ZFPM1: variants seen among roughly 807,000 people sequenced by gnomAD.
The protein encoded by ZFPM1 is zinc finger protein, FOG family member 1, also known as zinc finger protein ZFPM1.
In ZFPM1, 28 loss-of-function variants were observed where a neutral mutation model predicts 46.3. That is an observed-to-expected ratio of 0.60 (90% confidence interval 0.45 to 0.83). The LOEUF is 0.83. ZFPM1 is among the 40% of genes least tolerant of loss of function. The pLI is 0.00. For synonymous variants in ZFPM1, 957 were observed against 675.9 expected (o/e 1.42, Z -6.45); for missense variants, 1,878 against 1,432.4 (o/e 1.31, Z -5.02).
In ZFPM1 at chr16:88,480,443, C is replaced by G. The variant is rs947241186; in HGVS notation, c.41-5496C>G. Among the ~76,000 whole-genome samples, 1 of 152,146 alleles carries G rather than the reference C, an allele frequency of 6.6e-6. No homozygotes were observed. The highest frequency in any genetic ancestry group is 1.5e-5 in the Non-Finnish European group (1 of 68,026). On this transcript the variant is annotated intron_variant, in intron 1 of 9. Transcript: ENST00000319555. This position sits in a 1 kb window ranked among gnomAD's most constrained non-coding sequence, Gnocchi z 4.9. The stretch of plus-strand genomic sequence containing the variant: ...CGGATGAAAGAGTGAAGGAAAGAGC[C>G]GTGGTGCTGGTGGGGGAGGAGCGGG...
intron 3 of ZFPM1, among the ~76,000 whole-genome samples, chr16:88,502,063 CCCATTT>C (rs1407514340): frequency 8.6e-5 from 11 of 127,990 alleles, no homozygotes; most frequent in Admixed American, 2.6e-4. Context: ...CCCGCCCCCC[CCCATTT>C]ATTTATTTAT....
intron 4 of ZFPM1, chr16:88,516,642 C>T (rs1407131742): frequency 1.3e-5 from 5 of 398,520 alleles, no homozygotes; most frequent in East Asian, 7.1e-5. Flanking sequence ...CACGCCTTTC[C>T]GATACTTCAT....
chr16:88,524,724 A>C (rs1345153368), intron 4 of ZFPM1, among the ~76,000 whole-genome samples: 1 of 152,168 alleles, frequency 6.6e-6, no homozygotes, highest in East Asian at 1.9e-4. Context: ...GTCAAAGGAG[A>C]TAGGACTGAC....
chr16:88,455,428 C>G (rs575866319), intron 1 of ZFPM1, among the ~76,000 whole-genome samples: 1 of 152,110 alleles, frequency 6.6e-6, no homozygotes, highest in South Asian at 2.1e-4. Context: ...CGCGGACCCT[C>G]CCTGTCGCTC....
At chr16:88,493,601 G>A (rs1205855317) in intron 3 of ZFPM1, among the ~76,000 whole-genome samples, 5 of 147,044 alleles carry the variant, frequency 3.4e-5, no homozygotes, top group Admixed American at 2.0e-4. Flanking sequence ...CCCGGGGTAG[G>A]GAGAGCTGTC....
rs371844825 is a variant in ZFPM1 at position 88,519,048 on chromosome 16, AGATGGATG to A, written c.402+4562_402+4569del. On this transcript the variant is annotated intron_variant, in intron 4 of 9. Transcript: ENST00000319555. ...TGGGTGGATGGATGGGTGGATGGAT[AGATGGATG>A]GATGGATGGATGGATGGATGGATGG... Among the ~76,000 whole-genome samples, 419 of 107,968 alleles carry A rather than the reference AGATGGATG, an allele frequency of 3.9e-3. 4 individuals are homozygous for A. The highest frequency in any genetic ancestry group is 0.021 in the East Asian group (64 of 3,042). 70.8% of individuals were successfully genotyped at this position (107,968 alleles called of 152,430 possible).
intron 3 of ZFPM1, among the ~76,000 whole-genome samples, chr16:88,506,961 C>T (rs1170766006): frequency 6.6e-6 from 1 of 152,254 alleles, no homozygotes; most frequent in Non-Finnish European, 1.5e-5. Flanking sequence ...TCGGCTGTCC[C>T]GAGTGCCACA....
At chr16:88,491,249 C>G (rs1040948489) in intron 3 of ZFPM1, among the ~76,000 whole-genome samples, 1 of 152,128 alleles carries the variant, frequency 6.6e-6, no homozygotes, top group Non-Finnish European at 1.5e-5. Flanking sequence ...AATAGGGTAG[C>G]GGGTAGCAGG....
chr16:88,496,732 G>A (rs1036939704), intron 3 of ZFPM1, among the ~76,000 whole-genome samples: 7 of 152,182 alleles, frequency 4.6e-5, no homozygotes, highest in Admixed American at 4.6e-4. Context: ...GAGCACACCA[G>A]CACTGGTCAT....
intron 2 of ZFPM1, among the ~76,000 whole-genome samples, chr16:88,486,263 A>G (rs1909219016): frequency 6.6e-6 from 1 of 152,236 alleles, no homozygotes. Context: ...CTGCATGTGC[A>G]GCCTGAAATC....
At chr16:88,520,660 G>T (rs1292468536) in intron 4 of ZFPM1, among the ~76,000 whole-genome samples, 1 of 141,594 alleles carries the variant, frequency 7.1e-6, no homozygotes, top group African/African-American at 2.7e-5. Context: ...TGGATGGATG[G>T]GAGGGTGGGT....
At chr16:88,475,997 G>A (rs952953523) in intron 1 of ZFPM1, among the ~76,000 whole-genome samples, 1 of 152,160 alleles carries the variant, frequency 6.6e-6, no homozygotes, top group Non-Finnish European at 1.5e-5. Flanking sequence ...GGCTGAGGGG[G>A]TGTGGGTGCA....
chr16:88,453,685 CA>C lies in ZFPM1; in HGVS notation c.40+10del. ...AACCCCCGGCAGATCAAGCGTGAGT[CA>C]AACTTTGCCCGCGGTCCCCTCCGCG... On this transcript the variant is annotated splice_region_variant and intron_variant, in intron 1 of 9. Transcript: ENST00000319555. 1 of 1,196,678 alleles carries C rather than the reference CA, an allele frequency of 8.4e-7. No homozygotes were observed. Among genetic ancestry groups the C allele is most frequent in the Non-Finnish European group, 1.1e-6 (1 of 947,606 alleles). The allele number at this position is 1,196,678 out of a possible 1,614,324, so 74.1% of individuals were successfully genotyped here. A position where few individuals can be genotyped will look rare whatever the true frequency, so the allele number is the denominator to read the frequency against.
chr16:88,536,895 A>T lies in ZFPM1; in HGVS notation c.*1916A>T, dbSNP rs1275605161. 2 of 152,268 alleles carry T rather than the reference A, an allele frequency of 1.3e-5. No homozygotes were observed. Among genetic ancestry groups the T allele is most frequent in the African/African-American group, 4.8e-5 (2 of 41,448 alleles). The allele number at this position is 152,268 out of a possible 1,614,324, so 9.4% of individuals were successfully genotyped here. A position where few individuals can be genotyped will look rare whatever the true frequency, so the allele number is the denominator to read the frequency against. On this transcript the variant is annotated 3_prime_UTR_variant, in exon 10 of 10. Coordinates refer to ENST00000319555, the MANE Select transcript of ZFPM1 (RefSeq NM_153813.3). Reference sequence around the variant, plus strand: ...GTGCATGAATTTGCGTGGAGGGTTCAGGAGGCTCTGCCCCCAAGTCCTCCC... The same window carrying T: ...GTGCATGAATTTGCGTGGAGGGTTCTGGAGGCTCTGCCCCCAAGTCCTCCC...
intron 4 of ZFPM1, among the ~76,000 whole-genome samples, chr16:88,522,713 G>A (rs563292999): frequency 7.4e-4 from 113 of 152,292 alleles, no homozygotes; most frequent in African/African-American, 2.6e-3. Flanking sequence ...TGGTGGGGCC[G>A]GCCAGGGCCC....
intron 1 of ZFPM1, among the ~76,000 whole-genome samples, chr16:88,462,778 G>A: frequency 6.6e-6 from 1 of 152,184 alleles, no homozygotes; most frequent in Non-Finnish European, 1.5e-5. Flanking sequence ...ACCAGGCTGG[G>A]CTCCAGGGTT....
intron 4 of ZFPM1, among the ~76,000 whole-genome samples, chr16:88,519,188 G>C (rs1056124926): frequency 2.8e-5 from 4 of 140,370 alleles, no homozygotes; most frequent in Non-Finnish European, 4.7e-5. Flanking sequence ...TGGGTGGGTG[G>C]ATGGGAGGGT....
chr16:88,509,913 T>C (rs369716681), intron 3 of ZFPM1, among the ~76,000 whole-genome samples: 22 of 152,136 alleles, frequency 1.4e-4, no homozygotes, highest in African/African-American at 4.3e-4. Context: ...CGCTGGGCAC[T>C]GTTGGCCACG....
intron 1 of ZFPM1, among the ~76,000 whole-genome samples, chr16:88,482,667 G>A (rs1002400882): frequency 3.3e-5 from 5 of 152,246 alleles, no homozygotes; most frequent in East Asian, 1.9e-4. Context: ...TCTGGTCCCC[G>A]AAGTCCCTGA....
Sources: gnomAD v4.1 joint callset for allele counts (sites outside exome capture counted in the v4.1 genomes callset) on GRCh38, gnomAD v4.1.1 for gene constraint, Gnocchi (gnomAD v3.1) non-coding constraint, MANE v1.5 for transcripts, NCBI Gene and HGNC (gene_info 2026-07-23, HGNC 2026-07-21) for gene names.